Variants in QSOX2 observed in about 807,000 individuals in gnomAD.
The protein encoded by QSOX2 is sulfhydryl oxidase 2.
Under a neutral mutation model 61.7 loss-of-function variants are expected in QSOX2, and 46 were observed. That is an observed-to-expected ratio of 0.75 (90% CI 0.59 to 0.95). QSOX2 has a LOEUF of 0.95. Among genes scored for constraint, QSOX2 ranks in the 40% least tolerant of loss-of-function variants. The pLI is 0.00. For synonymous variants in QSOX2, 383 were observed against 388.4 expected (o/e 0.99, Z 0.16); for missense variants, 879 against 918.9 (o/e 0.96, Z 0.56).
At chr9:136,244,294 G>A (rs1187251135) in intron 1 of QSOX2, among the ~76,000 whole-genome samples, 1 of 152,134 alleles carries the variant, frequency 6.6e-6, no homozygotes, top group Non-Finnish European at 1.5e-5. Flanking sequence ...CAGGTCAACA[G>A]GGACATAAGA....
rs1174278554 is a variant in QSOX2 at position 136,207,351 on chromosome 9, T to C, written c.*1377A>G. 1 of 126,768 alleles carries C rather than the reference T, an allele frequency of 7.9e-6. No individual in the cohort carries two copies. The highest frequency in any genetic ancestry group is 2.4e-4 in the East Asian group (1 of 4,230). The allele number at this position is 126,768 out of a possible 1,614,324, so 7.9% of individuals were successfully genotyped here. A position where few individuals can be genotyped will look rare whatever the true frequency, so the allele number is the denominator to read the frequency against. ...AAAAATATCTACAACCGTCAAAGTC[T>C]CTCTCTCTCTCATACACACACACAC... is the stretch of plus-strand genomic sequence containing the variant. On this transcript the variant is annotated 3_prime_UTR_variant, in exon 12 of 12. Transcript: ENST00000358701.
chr9:136,217,897 C>G (rs185270224), intron 8 of QSOX2, among the ~76,000 whole-genome samples: 51 of 152,398 alleles, frequency 3.3e-4, no homozygotes, highest in African/African-American at 9.1e-4. Flanking sequence ...ATGCATTCAT[C>G]TGAGGCACCT....
rs758310532 is a variant in QSOX2, at chr9:136,219,155, A to G, written c.831T>C (p.Pro277=). The G allele has an allele frequency of 1.9e-5, 31 of 1,613,858 alleles. No homozygotes were observed. The South Asian group carries it at 3.3e-4, about 17-fold the overall frequency. The change falls in exon 7 of 12, where the codon CCT becomes CCC. Residue 277 remains proline, a synonymous_variant. Transcript: ENST00000358701. ...GSHGLINVVK[P]LRAFFSSYLK... is the part of the protein sequence containing the mutation. ...AATAAGACGAAAAGAAGGCCCGCAG[A>G]GGCTTCACGCTGTGAGAGAGGGGAG...
intron 1 of QSOX2, among the ~76,000 whole-genome samples, chr9:136,234,051 G>A (rs555748947): frequency 4.7e-5 from 7 of 148,606 alleles, no homozygotes; most frequent in Admixed American, 2.6e-4. Flanking sequence ...AGGTCTTCAC[G>A]AGGCTCCACC....
chr9:136,241,169 G>T (rs1830430675), intron 1 of QSOX2, among the ~76,000 whole-genome samples: 1 of 152,178 alleles, frequency 6.6e-6, no homozygotes, highest in African/African-American at 2.4e-5. Flanking sequence ...ATACTCATGT[G>T]GTCGCCACAG....
At chr9:136,211,148 G>A (rs1215003877) in intron 11 of QSOX2, 116 bp downstream of exon 11, 8 of 1,127,906 alleles carry the variant, frequency 7.1e-6, no homozygotes, top group Non-Finnish European at 1.0e-5. Context: ...ACAGTGGGTG[G>A]CACGAGGCCG....
intron 10 of QSOX2, among the ~76,000 whole-genome samples, chr9:136,213,233 G>A (rs573767610): frequency 1.4e-5 from 2 of 139,030 alleles, no homozygotes; most frequent in African/African-American, 2.7e-5. Flanking sequence ...TTCAGAAGCA[G>A]TTTTGTTGTG....
At chr9:136,213,244 T>G (rs78712368) in intron 10 of QSOX2, among the ~76,000 whole-genome samples, 1 of 17,204 alleles carries the variant, frequency 5.8e-5, no homozygotes, top group Non-Finnish European at 1.4e-4. Context: ...TTTTGTTGTG[T>G]TTTTTTTTTT....
In QSOX2 at chr9:136,221,871, A is replaced by T; in HGVS notation, c.746T>A (p.Leu249Gln). The change falls in exon 6 of 12, where the codon CTG becomes CAG. Residue 249 changes from leucine (L) to glutamine (Q), a missense_variant. Coordinates refer to ENST00000358701, the MANE Select transcript of QSOX2 (RefSeq NM_181701.4). The surrounding 1 kb of genome is among the most constrained non-coding windows in gnomAD (Gnocchi z 4.5). ...TRALDGDKAFLEKLGVSSVPS... is the reference protein window; with the variant it reads ...TRALDGDKAFQEKLGVSSVPS... ...GACTGAAGAAACACCAAGTTTCTCC[A>T]GAAATGCTTTGTCCCCGTCCAGTGC... 1.2e-6 allele frequency: 2 copies of T among 1,613,030 alleles called. No individual in the cohort carries two copies. The highest frequency in any genetic ancestry group is 1.7e-6 in the Non-Finnish European group (2 of 1,179,552).
rs1023818372 is a variant in QSOX2, at chr9:136,226,777, G to C, written c.426C>G (p.Phe142Leu). 9.9e-6 allele frequency: 16 copies of C among 1,613,070 alleles called. No homozygotes were observed. The highest frequency in any genetic ancestry group is 1.7e-5 in the Admixed American group (1 of 60,010). The change falls in exon 2 of 12, where the codon TTC becomes TTG. Residue 142 changes from phenylalanine to leucine, a missense_variant. Transcript: ENST00000358701. ...CAAGCAGCCGCGTGATACTCACCCG[G>C]AAGGTGGGGTAGAAGTGGATGTCGT... ...HDYDIHFYPT[F>L]RYFKAFTKEF... is the part of the protein sequence containing the mutation.
intron 10 of QSOX2, among the ~76,000 whole-genome samples, 171 bp from the exon 11 acceptor site, chr9:136,211,623 A>G (rs1831847710): frequency 6.6e-6 from 1 of 152,212 alleles, no homozygotes; most frequent in African/African-American, 2.4e-5. Flanking sequence ...ACCTGCCAAG[A>G]TGTCCAACAC....
chr9:136,245,492 C>G lies in QSOX2; in HGVS notation c.312G>C (p.Leu104=), dbSNP rs1001984217. 8.8e-6 allele frequency: 14 copies of G among 1,592,526 alleles called. No homozygotes were observed. Among genetic ancestry groups the G allele is most frequent in the Non-Finnish European group, 1.2e-5 (14 of 1,176,948 alleles). ...GCGCCTCACCTCGCACATCCCCAGCCAGGGCCCGCCAAGTGGGCGCGTAGC... is the reference window on the plus strand; with the variant it reads ...GCGCCTCACCTCGCACATCCCCAGCGAGGGCCCGCCAAGTGGGCGCGTAGC... ...CIGYAPTWRA[L]AGDVRDWASA... Residue 104 remains leucine (L), a synonymous_variant, in exon 1 of 12, where the codon CTG becomes CTC. Transcript: ENST00000358701.
chr9:136,226,708 T>A (rs1436088918), intron 2 of QSOX2, 66 bp downstream of exon 2: 1 of 1,314,032 alleles, frequency 7.6e-7, no homozygotes, highest in East Asian at 2.3e-5. Context: ...AGCAGCCGCG[T>A]GATGCTCACC....
At chr9:136,212,138 GAAC>G (rs546774813) in intron 10 of QSOX2, among the ~76,000 whole-genome samples, 44 of 152,318 alleles carry the variant, frequency 2.9e-4, no homozygotes, top group African/African-American at 1.0e-3. Flanking sequence ...TACTGTGAAT[GAAC>G]AACACACATC....
chr9:136,226,857 G>A lies in QSOX2; in HGVS notation c.346C>T (p.Arg116Cys), dbSNP rs776714660. ...GDVRDWASAI[R>C]VAALDCMEEK... ...TCCATGCAGTCCAGAGCTGCGACGC[G>A]AATGGCACTGGCCCAGTCTGAAAAG... Residue 116 changes from arginine (R) to cysteine (C), a missense_variant, in exon 2 of 12, where the codon CGC becomes TGC. Transcript: ENST00000358701. 9.9e-6 allele frequency: 16 copies of A among 1,613,956 alleles called. No individual in the cohort carries two copies. The highest frequency in any genetic ancestry group is 2.2e-5 in the East Asian group (1 of 44,890).
In QSOX2 at chr9:136,218,720, C is replaced by T. The variant is rs1273684338; in HGVS notation, c.1045G>A (p.Glu349Lys). ...ACAAAGTCCTTGAGCGTCTTCAGCTCTGCTCCGGCCAGGGACTTGTGGGCT... is the reference window on the plus strand; with the variant it reads ...ACAAAGTCCTTGAGCGTCTTCAGCTTTGCTCCGGCCAGGGACTTGTGGGCT... ...LAAHKSLAGAELKTLKDFVTV... is the reference protein window; with the variant it reads ...LAAHKSLAGAKLKTLKDFVTV... Residue 349 changes from glutamate to lysine, a missense_variant, in exon 8 of 12, where the codon GAG becomes AAG. Glu to Lys is a moderately conservative substitution (Grantham distance 56, BLOSUM62 1). Transcript: ENST00000358701. 2 of 1,613,810 alleles carry T rather than the reference C, an allele frequency of 1.2e-6. No homozygotes were observed. Among genetic ancestry groups the T allele is most frequent in the Non-Finnish European group, 1.7e-6 (2 of 1,180,028 alleles).
rs772518762 is a variant in QSOX2, at chr9:136,223,320, T to G, written c.675+443A>C. 1.3e-5 allele frequency among the ~76,000 whole-genome samples: 2 copies of G among 152,178 alleles called. No homozygotes were observed. Among genetic ancestry groups the G allele is most frequent in the Admixed American group, 1.3e-4 (2 of 15,270 alleles). ...TTGGCCAGAAGCAAGGCTTCAGAAC[T>G]GTACGTGTGAAATCAAAGTATGACG... On this transcript the variant is annotated intron_variant, in intron 5 of 11. Coordinates refer to ENST00000358701, the MANE Select transcript of QSOX2 (RefSeq NM_181701.4). The surrounding 1 kb of genome is among the most constrained non-coding windows in gnomAD (Gnocchi z 4.4).
At position 136,207,538 on chromosome 9, in the gene QSOX2, G is replaced by C. The variant is rs1327738862; in HGVS notation, c.*1190C>G. ...GTTTGTTTACATCTTCAGAGGCAAC[G>C]GACCACTAAATGTTTTGGGTTTAAA... On this transcript the variant is annotated 3_prime_UTR_variant, in exon 12 of 12. Transcript: ENST00000358701. 6.6e-6 allele frequency: 1 copy of C among 152,262 alleles called. No individual in the cohort carries two copies. Among genetic ancestry groups the C allele is most frequent in the South Asian group, 2.1e-4 (1 of 4,824 alleles). The allele number at this position is 152,262 out of a possible 1,614,324, so 9.4% of individuals were successfully genotyped here. A position where few individuals can be genotyped will look rare whatever the true frequency, so the allele number is the denominator to read the frequency against.
Position 136,245,522 on chromosome 9 carries a change from G to A in QSOX2, c.282C>T (p.Cys94=), listed in dbSNP as rs781991918. The A allele has an allele frequency of 3.8e-6, 6 of 1,594,368 alleles. No homozygotes were observed. In the African/African-American group the frequency reaches 6.8e-5, roughly 18 times the overall value. ...CCCGCCAAGTGGGCGCGTAGCCGAT[G>A]CAGTGGCCACACCACGACGAGTAGA... The part of the protein sequence containing the change: ...VQFYSSWCGH[C]IGYAPTWRAL... The change falls in exon 1 of 12, where the codon TGC becomes TGT. Residue 94 remains cysteine, a synonymous_variant. Transcript: ENST00000358701.
Sources: gnomAD v4.1 joint callset for allele counts (sites outside exome capture counted in the v4.1 genomes callset) on GRCh38, gnomAD v4.1.1 for gene constraint, Gnocchi (gnomAD v3.1) non-coding constraint, MANE v1.5 for transcripts, NCBI Gene and HGNC (gene_info 2026-07-23, HGNC 2026-07-21) for gene names.